TXNDC16: variants seen among roughly 807,000 people sequenced by gnomAD.
TXNDC16 encodes the protein thioredoxin domain containing 16.
In TXNDC16, 74 loss-of-function variants were observed where a neutral mutation model predicts 85.6. The ratio of observed to expected loss-of-function variants is 0.86; its 90% CI spans 0.72 to 1.05. The LOEUF is 1.05. Among genes scored for constraint, TXNDC16 ranks in the 50% least tolerant of loss-of-function variants. The pLI, the probability that TXNDC16 is intolerant of heterozygous loss-of-function variation, is 0.00. For synonymous variants in TXNDC16, 335 were observed against 326.5 expected (o/e 1.03, Z -0.28); for missense variants, 959 against 947.0 (o/e 1.01, Z -0.17).
At chr14:52,459,140 CAT>C (rs898826824) in intron 16 of TXNDC16, among the ~76,000 whole-genome samples, 38 of 152,158 alleles carry the variant, frequency 2.5e-4, no homozygotes, top group South Asian at 2.1e-3. Flanking sequence ...ATAAAATAAA[CAT>C]ATTTATTTAG....
chr14:52,524,205 C>T (rs2037274403), intron 6 of TXNDC16, among the ~76,000 whole-genome samples: 2 of 152,174 alleles, frequency 1.3e-5, no homozygotes, highest in Admixed American at 1.3e-4. Flanking sequence ...CGAGGTTCTA[C>T]AGTAACAATG....
At chr14:52,505,136 C>T (rs1250563131) in intron 9 of TXNDC16, among the ~76,000 whole-genome samples, 1 of 152,050 alleles carries the variant, frequency 6.6e-6, no homozygotes, top group Non-Finnish European at 1.5e-5. Context: ...ACTTTAACAC[C>T]CCACTGTCAA....
chr14:52,510,128 T>C (rs1055626138), intron 9 of TXNDC16, among the ~76,000 whole-genome samples: 1 of 152,080 alleles, frequency 6.6e-6, no homozygotes, highest in Non-Finnish European at 1.5e-5. Flanking sequence ...ATAAATATCA[T>C]AGACCTTGAT....
At chr14:52,522,245 C>A (rs1253282851) in intron 6 of TXNDC16, among the ~76,000 whole-genome samples, 2 of 152,164 alleles carry the variant, frequency 1.3e-5, no homozygotes, top group East Asian at 1.9e-4. Context: ...CCTCCCCAAC[C>A]ATTGTTTGCA....
rs189819576 is a variant in TXNDC16, at chr14:52,537,108, T to C, written c.318-315A>G. Among the ~76,000 whole-genome samples, 9 of 142,498 alleles carry C rather than the reference T, an allele frequency of 6.3e-5. No homozygotes were observed. In the East Asian group the frequency reaches 1.8e-3, roughly 28 times the overall value. The allele number at this position is 142,498 out of a possible 152,430, so 93.5% of individuals were successfully genotyped here. A position where few individuals can be genotyped will look rare whatever the true frequency, so the allele number is the denominator to read the frequency against. On this transcript the variant is annotated intron_variant, in intron 5 of 20. Transcript: ENST00000281741. Reference sequence around the variant, plus strand: ...CACACACACACACACATTCCCCAAATTGGGCTGGGAAGAAGGCAAGAAGGA... The same window carrying C: ...CACACACACACACACATTCCCCAAACTGGGCTGGGAAGAAGGCAAGAAGGA...
rs752506459 is a variant in TXNDC16, at chr14:52,502,774, C to T, written c.756+8466G>A. On this transcript the variant is annotated intron_variant, in intron 9 of 20. Transcript: ENST00000281741. The stretch of plus-strand genomic sequence containing the variant: ...CCGAGCGTGACCCGAAGCAGGGTGA[C>T]GCATCGCATCACCCAGGAAGTGCAA... Among the ~76,000 whole-genome samples, 15 of 152,264 alleles carry T rather than the reference C, an allele frequency of 9.9e-5. No homozygotes were observed. The South Asian group carries it at 2.9e-3, about 29-fold the overall frequency.
chr14:52,463,168 G>A (rs1384006045), intron 16 of TXNDC16, among the ~76,000 whole-genome samples: 2 of 150,068 alleles, frequency 1.3e-5, no homozygotes, highest in Non-Finnish European at 3.0e-5. Flanking sequence ...TCCAGTTTCT[G>A]TAACAACTTC....
chr14:52,549,319 C>T (rs1268013515), intron 1 of TXNDC16, among the ~76,000 whole-genome samples: 1 of 152,136 alleles, frequency 6.6e-6, no homozygotes, highest in African/African-American at 2.4e-5. Context: ...TAACTAAAGA[C>T]TAATACAAGA....
chr14:52,445,787 C>CTA, intron 18 of TXNDC16, among the ~76,000 whole-genome samples: 1 of 152,284 alleles, frequency 6.6e-6, no homozygotes, highest in Middle Eastern at 3.4e-3. Context: ...GAGCAATATG[C>CTA]TATACCTTAC....
At chr14:52,462,660 A>T (rs1389979345) in intron 16 of TXNDC16, among the ~76,000 whole-genome samples, 2 of 152,234 alleles carry the variant, frequency 1.3e-5, no homozygotes, top group African/African-American at 2.4e-5. Flanking sequence ...GGTCTTTTAA[A>T]ACAGGCAATA....
chr14:52,546,937 G>A (rs111379767), intron 1 of TXNDC16, among the ~76,000 whole-genome samples: 172 of 152,302 alleles, frequency 1.1e-3, no homozygotes, highest in African/African-American at 4.0e-3. Flanking sequence ...CAATAATTTG[G>A]AGGTGACATG....
intron 7 of TXNDC16, among the ~76,000 whole-genome samples, chr14:52,517,742 C>T (rs1253298433): frequency 6.6e-6 from 1 of 152,146 alleles, no homozygotes; most frequent in Admixed American, 6.6e-5. Flanking sequence ...CCCTTTCCTA[C>T]CACATCTTTC....
At chr14:52,535,684 C>T (rs1418037434) in intron 6 of TXNDC16, among the ~76,000 whole-genome samples, 1 of 151,988 alleles carries the variant, frequency 6.6e-6, no homozygotes, top group African/African-American at 2.4e-5. Context: ...AGAATGGACC[C>T]CAGATAGACC....
intron 7 of TXNDC16, among the ~76,000 whole-genome samples, chr14:52,517,571 T>G (rs1425610456): frequency 6.6e-6 from 1 of 152,120 alleles, no homozygotes; most frequent in Non-Finnish European, 1.5e-5. Flanking sequence ...CTTGGCTGAA[T>G]GGATGTCCGC....
chr14:52,531,378 T>C (rs1488389439), intron 6 of TXNDC16, among the ~76,000 whole-genome samples: 2 of 152,204 alleles, frequency 1.3e-5, no homozygotes, highest in African/African-American at 4.8e-5. Flanking sequence ...TGGATGTTAA[T>C]AGCAACTTCA....
chr14:52,461,979 C>T (rs139248142), intron 16 of TXNDC16, among the ~76,000 whole-genome samples: 1 of 152,328 alleles, frequency 6.6e-6, no homozygotes, highest in East Asian at 1.9e-4. Flanking sequence ...ACCTGTCTGA[C>T]CAGTAGATCC....
chr14:52,488,298 G>C (rs571310756), intron 12 of TXNDC16, 65 bp downstream of exon 12: 1 of 1,575,976 alleles, frequency 6.3e-7, no homozygotes, highest in Non-Finnish European at 8.6e-7. Context: ...TAATCCATTG[G>C]AAATTTCACT....
chr14:52,466,987 AG>A (rs1178109167), intron 16 of TXNDC16, among the ~76,000 whole-genome samples: 1 of 152,096 alleles, frequency 6.6e-6, no homozygotes, highest in Non-Finnish European at 1.5e-5. Flanking sequence ...TAGAGTCAAT[AG>A]AAAAAAAAAC....
intron 18 of TXNDC16, among the ~76,000 whole-genome samples, chr14:52,443,312 C>T (rs1006948322): frequency 2.0e-5 from 3 of 152,164 alleles, no homozygotes; most frequent in Non-Finnish European, 2.9e-5. Context: ...TTTTGGGACT[C>T]GAACTGGCTT....
Sources: allele counts gnomAD v4.1 joint callset (sites outside exome capture counted in the v4.1 genomes callset), GRCh38; gene constraint gnomAD v4.1.1; transcripts MANE v1.5; gene names NCBI Gene and HGNC (gene_info 2026-07-23, HGNC 2026-07-21).